Variants in PCDH7 observed in about 807,000 individuals in gnomAD.
PCDH7 encodes protocadherin-7.
A neutral mutation model predicts 58.9 loss-of-function variants in PCDH7; 17 were observed. The ratio of observed to expected loss-of-function variants is 0.29; its 90% confidence interval spans 0.20 to 0.43. The LOEUF is 0.43. PCDH7 is among the 20% of genes least tolerant of loss of function. The pLI is 1.00. For synonymous variants in PCDH7, 664 were observed against 616.4 expected (o/e 1.08, Z -1.14); for missense variants, 1,274 against 1,441.0 (o/e 0.88, Z 1.88).
At chr4:30,837,551 T>C (rs1239694493) in intron 1 of PCDH7, among the ~76,000 whole-genome samples, 3 of 148,938 alleles carry the variant, frequency 2.0e-5, no homozygotes, top group Admixed American at 1.3e-4. Flanking sequence ...AAATAGAAAA[T>C]AGAGAAAAAA....
rs1317116972 is a variant in PCDH7 at position 30,894,514 on chromosome 4, TATACACAC to T, written c.71-25637_71-25630del. 6.3e-3 allele frequency among the ~76,000 whole-genome samples: 302 copies of T among 48,020 alleles called. 4 individuals carry two copies. Among genetic ancestry groups the T allele is most frequent in the African/African-American group, 0.017 (127 of 7,446 alleles). 31.5% of individuals were successfully genotyped at this position (48,020 alleles called of 152,430 possible). A position where few individuals can be genotyped will look rare whatever the true frequency, so the allele number is the denominator to read the frequency against. ...AAATATATATATATATATATATATA[TATACACAC>T]ACACACACACACACACACACACACA... On this transcript the variant is annotated intron_variant, in intron 1 of 3. Transcript: ENST00000509759.
At chr4:30,895,992 G>T (rs1739349582) in intron 1 of PCDH7, among the ~76,000 whole-genome samples, 1 of 152,162 alleles carries the variant, frequency 6.6e-6, no homozygotes, top group African/African-American at 2.4e-5. Context: ...CAATGTCAAA[G>T]GTATTTGGAG....
intron 3 of PCDH7, among the ~76,000 whole-genome samples, chr4:31,040,261 T>C (rs1047813149): frequency 1.3e-5 from 2 of 152,180 alleles, no homozygotes; most frequent in Non-Finnish European, 2.9e-5. Flanking sequence ...TCTCTTCCAT[T>C]CTTCCCCACT....
chr4:31,071,501 A>G (rs138188726), intron 3 of PCDH7, among the ~76,000 whole-genome samples: 1,623 of 152,210 alleles, frequency 0.011, 19 homozygotes, highest in South Asian at 0.022. Context: ...TCACCCTATC[A>G]TAATGATGCT....
chr4:31,000,756 A>G lies in PCDH7; in HGVS notation c.*7+50541A>G, dbSNP rs141622752. ...AAAAGGACAGAAAAAGAAACAACAC[A>G]AGTTCCATCTATGTAAAACATAGTA... On this transcript the variant is annotated intron_variant, in intron 3 of 3. Coordinates refer to the PCDH7 transcript ENST00000509759. 8.8e-3 allele frequency among the ~76,000 whole-genome samples: 1,337 copies of G among 152,236 alleles called. 17 individuals carry two copies. Among genetic ancestry groups the G allele is most frequent in the African/African-American group, 0.031 (1,286 of 41,574 alleles).
At chr4:30,889,453 C>T (rs1738312627) in intron 1 of PCDH7, among the ~76,000 whole-genome samples, 1 of 152,168 alleles carries the variant, frequency 6.6e-6, no homozygotes, top group East Asian at 1.9e-4. Context: ...CATAGTGATG[C>T]TCAGCAGCAT....
intron 3 of PCDH7, among the ~76,000 whole-genome samples, chr4:30,995,319 T>C (rs1170942985): frequency 6.6e-6 from 1 of 152,044 alleles, no homozygotes; most frequent in Non-Finnish European, 1.5e-5. Context: ...AGATCCATCC[T>C]GGCTAACACG....
At chr4:30,795,464 G>T (rs976549387) in intron 1 of PCDH7, among the ~76,000 whole-genome samples, 1 of 152,182 alleles carries the variant, frequency 6.6e-6, no homozygotes, top group African/African-American at 2.4e-5. Flanking sequence ...TGTGACACAA[G>T]TCACAAAGCT....
At chr4:30,938,111 T>C (rs1444668480) in intron 2 of PCDH7, among the ~76,000 whole-genome samples, 1 of 152,096 alleles carries the variant, frequency 6.6e-6, no homozygotes, top group East Asian at 1.9e-4. Context: ...GAACAAAAAA[T>C]GTAATATAGC....
intron 3 of PCDH7, among the ~76,000 whole-genome samples, chr4:31,024,963 G>A (rs918069361): frequency 1.3e-5 from 2 of 152,116 alleles, no homozygotes; most frequent in Admixed American, 6.5e-5. Flanking sequence ...GGGTGGTCTC[G>A]AACTCCTGAC....
At chr4:31,125,975 A>T (rs1343378573) in intron 3 of PCDH7, among the ~76,000 whole-genome samples, 18 of 152,122 alleles carry the variant, frequency 1.2e-4, no homozygotes. Flanking sequence ...CTGGCATCAG[A>T]CTACTTGGGT....
At chr4:31,064,522 G>T (rs976119538) in intron 3 of PCDH7, among the ~76,000 whole-genome samples, 6 of 151,972 alleles carry the variant, frequency 3.9e-5, no homozygotes, top group Admixed American at 1.3e-4. Flanking sequence ...AAACCAAGAT[G>T]TTGGCAAGGC....
At chr4:30,918,158 G>T (rs898885774) in intron 1 of PCDH7, among the ~76,000 whole-genome samples, 1 of 152,094 alleles carries the variant, frequency 6.6e-6, no homozygotes, top group African/African-American at 2.4e-5. Flanking sequence ...TAATATGTCT[G>T]CATGACCCTT....
intron 1 of PCDH7, among the ~76,000 whole-genome samples, chr4:30,827,218 G>A (rs1157607148): frequency 3.3e-5 from 5 of 152,026 alleles, no homozygotes; most frequent in Non-Finnish European, 7.4e-5. Context: ...CTTGCTTTGG[G>A]CCAGCTATTC....
intron 1 of PCDH7, among the ~76,000 whole-genome samples, chr4:30,767,638 CT>C (rs952651137): frequency 6.6e-6 from 1 of 152,150 alleles, no homozygotes; most frequent in African/African-American, 2.4e-5. Flanking sequence ...GGCTAGGAAT[CT>C]TTAGTAGCTC....
At chr4:30,869,096 C>T (rs1182148476) in intron 1 of PCDH7, 2 of 151,948 alleles carry the variant, frequency 1.3e-5, no homozygotes, top group Non-Finnish European at 2.9e-5. Context: ...AGGTAGTGTG[C>T]CAGTTCCAGG....
Position 30,764,673 on chromosome 4 carries a change from C to T in PCDH7, c.70+40077C>T, listed in dbSNP as rs974846788. ...AGATGAAGACCTAAGTCTAATTCTA[C>T]CTAATGCACACAATTGACCTGATTA... On this transcript the variant is annotated intron_variant, in intron 1 of 3. Transcript: ENST00000509759. Among the ~76,000 whole-genome samples the T allele has an allele frequency of 2.0e-5, 3 of 151,816 alleles. No homozygotes were observed. In the South Asian group the frequency reaches 6.3e-4, roughly 32 times the overall value.
At chr4:31,023,950 G>A (rs1057274087) in intron 3 of PCDH7, among the ~76,000 whole-genome samples, 1 of 152,202 alleles carries the variant, frequency 6.6e-6, no homozygotes, top group Non-Finnish European at 1.5e-5. Flanking sequence ...GTCAGGGAAT[G>A]TAATGAGACA....
intron 3 of PCDH7, among the ~76,000 whole-genome samples, chr4:31,139,985 T>C (rs1050748311): frequency 5.3e-5 from 8 of 152,194 alleles, no homozygotes; most frequent in African/African-American, 1.9e-4. Flanking sequence ...AAGCTGCCTT[T>C]CGTTAAAAGC....
Sources: gnomAD v4.1 joint callset for allele counts (sites outside exome capture counted in the v4.1 genomes callset) on GRCh38, gnomAD v4.1.1 for gene constraint, MANE v1.5 for transcripts, NCBI Gene and HGNC (gene_info 2026-07-23, HGNC 2026-07-21) for gene names.